The following GALNT18 variants were observed in gnomAD, a reference collection of about 807,000 sequenced individuals.
The protein encoded by GALNT18 is polypeptide N-acetylgalactosaminyltransferase 18.
GALNT18 carries 44 observed loss-of-function variants against 69.5 expected under a neutral mutation model. The ratio of observed to expected loss-of-function variants is 0.63; its 90% CI spans 0.50 to 0.81. The LOEUF is 0.81. Among genes scored for constraint, GALNT18 ranks in the 40% least tolerant of loss-of-function variants. The pLI is 0.00. For synonymous variants in GALNT18, 364 were observed against 318.2 expected, an observed-to-expected ratio of 1.14 and a Z score of -1.53; for missense variants, 715 against 810.0, an observed-to-expected ratio of 0.88 and a Z score of 1.42.
At chr11:11,577,248 C>T (rs1858948546) in intron 1 of GALNT18, among the ~76,000 whole-genome samples, 1 of 152,180 alleles carries the variant, frequency 6.6e-6, no homozygotes, top group South Asian at 2.1e-4. Flanking sequence ...CATCTTTCAA[C>T]TTCACACCCA....
intron 3 of GALNT18, among the ~76,000 whole-genome samples, chr11:11,409,128 C>A (rs1854666492): frequency 6.6e-6 from 1 of 152,116 alleles, no homozygotes; most frequent in South Asian, 2.1e-4. Context: ...CAAATGCTAC[C>A]AACAGATGCC....
intron 9 of GALNT18, among the ~76,000 whole-genome samples, chr11:11,308,503 T>C (rs1849616452): frequency 6.6e-6 from 1 of 152,106 alleles, no homozygotes; most frequent in Admixed American, 6.5e-5. Flanking sequence ...ACCCCCAGTA[T>C]CATTCCAGGA....
Position 11,461,174 on chromosome 11 carries a change from C to T in GALNT18, c.236-12238G>A, listed in dbSNP as rs892993912. Among the ~76,000 whole-genome samples, 14 of 152,198 alleles carry T rather than the reference C, an allele frequency of 9.2e-5. No individual in the cohort carries two copies. Among genetic ancestry groups the T allele is most frequent in the African/African-American group, 2.9e-4 (12 of 41,450 alleles). On this transcript the variant is annotated intron_variant, in intron 1 of 10. Transcript: ENST00000227756. This position sits in a 1 kb window ranked among gnomAD's most constrained non-coding sequence, Gnocchi z 4.1. ...CTCTCTCCGTCAGAAAAATCCCACT[C>T]CACTCCTGACGGGCTGGCACTGCTG...
intron 3 of GALNT18, among the ~76,000 whole-genome samples, chr11:11,397,223 A>C (rs946757766): frequency 6.6e-6 from 1 of 152,126 alleles, no homozygotes; most frequent in Non-Finnish European, 1.5e-5. Flanking sequence ...AATGTTGGGA[A>C]CTGTAAGGGA....
At chr11:11,446,298 G>A (rs1855651128) in intron 2 of GALNT18, among the ~76,000 whole-genome samples, 1 of 152,170 alleles carries the variant, frequency 6.6e-6, no homozygotes, top group Admixed American at 6.5e-5. Context: ...TTATAACCAG[G>A]TTATAATCTG....
chr11:11,394,762 G>A (rs4910334), intron 3 of GALNT18, among the ~76,000 whole-genome samples: 12,616 of 152,264 alleles, frequency 0.083, 726 homozygotes, highest in Admixed American at 0.15. Flanking sequence ...AGGTGGTACC[G>A]ACAGGCGGGG....
At chr11:11,423,933 A>G (rs1855068876) in intron 3 of GALNT18, among the ~76,000 whole-genome samples, 1 of 152,176 alleles carries the variant, frequency 6.6e-6, no homozygotes, top group Non-Finnish European at 1.5e-5. Context: ...TAAGCGCTCA[A>G]TGAGCTGGGG....
chr11:11,306,159 G>T lies in GALNT18; in HGVS notation c.1513-12966C>A, dbSNP rs184366349. ...TAGCATACAACAGTTATTCTGCACA[G>T]CATTAAGCAGAGCTTAGAATATTCC... is the stretch of plus-strand genomic sequence containing the variant. On this transcript the variant is annotated intron_variant, in intron 9 of 10. Transcript: ENST00000227756. 5.7e-3 allele frequency among the ~76,000 whole-genome samples: 861 copies of T among 152,128 alleles called. 30 individuals are homozygous for T. Among genetic ancestry groups the T allele is most frequent in the Admixed American group, 0.049 (746 of 15,272 alleles).
chr11:11,414,905 T>C (rs2171342), intron 3 of GALNT18, among the ~76,000 whole-genome samples: 17,444 of 152,278 alleles, frequency 0.11, 1,131 homozygotes, highest in African/African-American at 0.18. Context: ...CAGGGTTTCA[T>C]TGGGCTGAAA....
chr11:11,456,608 C>T (rs1403691177), intron 1 of GALNT18, among the ~76,000 whole-genome samples: 1 of 152,192 alleles, frequency 6.6e-6, no homozygotes, highest in African/African-American at 2.4e-5. Context: ...CTGTGTTGAG[C>T]ATTCCTGTCA....
At chr11:11,526,416 C>G (rs1162243383) in intron 1 of GALNT18, among the ~76,000 whole-genome samples, 1 of 152,176 alleles carries the variant, frequency 6.6e-6, no homozygotes. Flanking sequence ...TGGTCCCTTT[C>G]TGGCATGTAT....
rs527858062 is a variant in GALNT18, at chr11:11,352,384, C to T, written c.1093-11380G>A. 203 of 1,614,128 alleles carry T rather than the reference C, an allele frequency of 1.3e-4. 1 individual carries two copies. In the African/African-American group the frequency reaches 2.3e-3, roughly 18 times the overall value. Reference sequence around the variant, plus strand: ...AAATCTTCTGTCCCCAGAAACTTGGCTATCCTCACCAACTGATCATAATTG... The same window carrying T: ...AAATCTTCTGTCCCCAGAAACTTGGTTATCCTCACCAACTGATCATAATTG... On this transcript the variant is annotated intron_variant, in intron 6 of 10. Coordinates refer to ENST00000227756, the MANE Select transcript of GALNT18 (RefSeq NM_198516.3).
rs1035328508 is a variant in GALNT18 at position 11,436,686 on chromosome 11, T to C, written c.429-3899A>G. On this transcript the variant is annotated intron_variant, in intron 2 of 10. Coordinates refer to ENST00000227756, the MANE Select transcript of GALNT18 (RefSeq NM_198516.3). This position sits in a 1 kb window ranked among gnomAD's most constrained non-coding sequence, Gnocchi z 4.5. ...CCTCAACACTGAAGCAGAATGTACA[T>C]TGCTGAAGGGCAGGGGCAAAAAGAG... Among the ~76,000 whole-genome samples the C allele has an allele frequency of 2.0e-5, 3 of 152,192 alleles. No homozygotes were observed. Among genetic ancestry groups the C allele is most frequent in the African/African-American group, 7.2e-5 (3 of 41,450 alleles).
chr11:11,568,017 C>T (rs1347368549), intron 1 of GALNT18, among the ~76,000 whole-genome samples: 5 of 152,222 alleles, frequency 3.3e-5, no homozygotes, highest in Non-Finnish European at 7.3e-5. Context: ...GGCATTGCCA[C>T]GTGACTGATT....
At chr11:11,293,246 C>T in intron 9 of GALNT18, 53 bp from the exon 10 acceptor site, 2 of 1,296,122 alleles carry the variant, frequency 1.5e-6, no homozygotes, top group Non-Finnish European at 2.0e-6. Flanking sequence ...GCCACGGAGA[C>T]AGGAGCATAG....
At position 11,497,829 on chromosome 11, in the gene GALNT18, A is replaced by G. The variant is rs764939562; in HGVS notation, c.236-48893T>C. On this transcript the variant is annotated intron_variant, in intron 1 of 10. Coordinates refer to ENST00000227756, the MANE Select transcript of GALNT18 (RefSeq NM_198516.3). This position sits in a 1 kb window ranked among gnomAD's most constrained non-coding sequence, Gnocchi z 4.2. ...ATTTCAACTTAAAATATTTCATGCT[A>G]ATATTTTGGTGTAAGGCCAAGGCTT... Among the ~76,000 whole-genome samples the G allele has an allele frequency of 2.6e-5, 4 of 151,980 alleles. No homozygotes were observed. Among genetic ancestry groups the G allele is most frequent in the Non-Finnish European group, 4.4e-5 (3 of 68,014 alleles).
At chr11:11,369,214 A>G (rs1319197492) in intron 6 of GALNT18, among the ~76,000 whole-genome samples, 1 of 152,200 alleles carries the variant, frequency 6.6e-6, no homozygotes, top group East Asian at 1.9e-4. Context: ...AAGTATCACA[A>G]TCTGGATCAC....
intron 6 of GALNT18, among the ~76,000 whole-genome samples, chr11:11,363,163 A>C (rs1850681353): frequency 6.6e-6 from 1 of 152,242 alleles, no homozygotes; most frequent in Non-Finnish European, 1.5e-5. Flanking sequence ...TTACATTGGA[A>C]ATAGAAAACA....
chr11:11,556,015 G>A (rs1204058068), intron 1 of GALNT18, among the ~76,000 whole-genome samples: 1 of 152,194 alleles, frequency 6.6e-6, no homozygotes, highest in Non-Finnish European at 1.5e-5. Context: ...CAGACCATCA[G>A]TGCCAGGTCA....
Sources: gnomAD v4.1 joint callset for allele counts (sites outside exome capture counted in the v4.1 genomes callset) on GRCh38, gnomAD v4.1.1 for gene constraint, Gnocchi (gnomAD v3.1) non-coding constraint, MANE v1.5 for transcripts, NCBI Gene and HGNC (gene_info 2026-07-23, HGNC 2026-07-21) for gene names.